The following LOC400499 variants were observed in gnomAD, a reference collection of about 807,000 sequenced individuals.
chr16:11,427,709 G>C, the LOC400499 span, among the ~76,000 whole-genome samples: 28 of 152,098 alleles, frequency 1.8e-4, no homozygotes, highest in Non-Finnish European at 1.2e-4. Flanking sequence ...ACCTCCCAAA[G>C]TGCTGGGATT....
At chr16:11,440,813 C>G in the LOC400499 span, 1 of 399,084 alleles carries the variant, frequency 2.5e-6, no homozygotes, top group Non-Finnish European at 4.4e-6. Flanking sequence ...ATGATGCCCC[C>G]ATCCAAGCTC....
the LOC400499 span, among the ~76,000 whole-genome samples, chr16:11,386,887 G>A: frequency 6.6e-6 from 1 of 152,202 alleles, no homozygotes; most frequent in Non-Finnish European, 1.5e-5. Flanking sequence ...GAGGGAGCTG[G>A]CCTGAAGCCC....
At chr16:11,402,032 C>G in the LOC400499 span, 2 of 399,158 alleles carry the variant, frequency 5.0e-6, no homozygotes, top group South Asian at 1.3e-4. Context: ...GGCCCTGACA[C>G]TTACCTGGTC....
chr16:11,490,372 G>A, the LOC400499 span, among the ~76,000 whole-genome samples: 2 of 148,772 alleles, frequency 1.3e-5, no homozygotes, highest in African/African-American at 5.0e-5. Flanking sequence ...CTCCAGCCTG[G>A]GCAACAGAGT....
At chr16:11,457,060 C>G in the LOC400499 span, 1 of 1,500,372 alleles carries the variant, frequency 6.7e-7, no homozygotes, top group South Asian at 1.3e-5. Flanking sequence ...CCCACCCCCC[C>G]AAGATGCCAA....
the LOC400499 span, among the ~76,000 whole-genome samples, chr16:11,483,511 G>C: frequency 0.027 from 4,091 of 152,202 alleles, 118 homozygotes; most frequent in East Asian, 0.16. Context: ...GCATGGGTGA[G>C]TCTCAGAATA....
the LOC400499 span, among the ~76,000 whole-genome samples, chr16:11,461,455 A>G: frequency 1.3e-5 from 2 of 152,222 alleles, no homozygotes. Context: ...TCCTGGGCTC[A>G]AGTAATCCTC....
chr16:11,434,040 C>G, the LOC400499 span, among the ~76,000 whole-genome samples: 44 of 152,254 alleles, frequency 2.9e-4, no homozygotes, highest in African/African-American at 1.0e-3. Flanking sequence ...CAGGGGAAGG[C>G]TCAGAAGCAG....
chr16:11,477,966 C>A, the LOC400499 span: 1 of 398,906 alleles, frequency 2.5e-6, no homozygotes, highest in Non-Finnish European at 4.4e-6. Context: ...AGTTCCTGTG[C>A]GGCCAGGCTC....
the LOC400499 span, chr16:11,448,958 C>A: frequency 3.3e-6 from 5 of 1,502,794 alleles, no homozygotes; most frequent in South Asian, 6.1e-5. Flanking sequence ...GGTTCAGCTC[C>A]TGCTGGGGGC....
At chr16:11,426,792 AG>A in the LOC400499 span, among the ~76,000 whole-genome samples, 1 of 148,920 alleles carries the variant, frequency 6.7e-6, no homozygotes, top group African/African-American at 2.5e-5. Context: ...GCATGGTGGC[AG>A]GTACCTGTAG....
At chr16:11,416,293 G>C in the LOC400499 span, among the ~76,000 whole-genome samples, 3 of 152,098 alleles carry the variant, frequency 2.0e-5, no homozygotes, top group African/African-American at 7.2e-5. Flanking sequence ...ACTCCCCTAG[G>C]GGACTGGGGA....
At chr16:11,475,734 C>A in the LOC400499 span, 1 of 398,854 alleles carries the variant, frequency 2.5e-6, no homozygotes, top group Non-Finnish European at 4.4e-6. Flanking sequence ...GGAAAGAGGA[C>A]AGTGTCAGAC....
the LOC400499 span, among the ~76,000 whole-genome samples, chr16:11,403,114 G>T: frequency 2.4e-4 from 36 of 152,254 alleles, no homozygotes; most frequent in African/African-American, 5.8e-4. Flanking sequence ...TGAGGCCCCT[G>T]AGCAGCCCTG....
the LOC400499 span, among the ~76,000 whole-genome samples, chr16:11,473,794 C>T: frequency 2.6e-5 from 4 of 151,774 alleles, no homozygotes; most frequent in African/African-American, 9.7e-5. Context: ...CAATAACTTA[C>T]CAACCCAGGA....
chr16:11,394,142 G>A, the LOC400499 span, among the ~76,000 whole-genome samples: 322 of 152,210 alleles, frequency 2.1e-3, 1 homozygote, highest in African/African-American at 7.6e-3. Context: ...CAGGCTTTCC[G>A]AGTTTGCATG....
the LOC400499 span, among the ~76,000 whole-genome samples, chr16:11,524,015 C>A: frequency 9.9e-6 from 1 of 100,602 alleles, no homozygotes. Flanking sequence ...CTCCTATACA[C>A]CCACCCCCAA....
the LOC400499 span, among the ~76,000 whole-genome samples, chr16:11,449,453 C>T: frequency 6.6e-6 from 1 of 152,124 alleles, no homozygotes. Context: ...GGCCTTCTCT[C>T]CCTGCACCAT....
chr16:11,478,476 G>A, the LOC400499 span: 1 of 398,758 alleles, frequency 2.5e-6, no homozygotes, highest in Non-Finnish European at 4.4e-6. Flanking sequence ...GCCCTTAAGT[G>A]CTTTGCCAAG....
Sources: allele counts gnomAD v4.1 joint callset (sites outside exome capture counted in the v4.1 genomes callset), GRCh38; gene constraint gnomAD v4.1.1; transcripts MANE v1.5.